Variants in NR6A1 observed in about 807,000 individuals in gnomAD.
NR6A1 encodes the protein nuclear receptor subfamily 6 group A member 1.
A neutral mutation model predicts 59.1 loss-of-function variants in NR6A1; 7 were observed. The observed-to-expected ratio is 0.12, with a 90% CI of 0.07 to 0.22. The LOEUF (loss-of-function observed/expected upper bound fraction) is 0.22. Ranked by LOEUF, NR6A1 falls within the 10% of genes least tolerant of loss-of-function variation. The pLI is 1.00. For missense variants in NR6A1, 468 were observed against 611.6 expected (o/e 0.77, Z 2.48); for synonymous variants, 243 against 236.1 (o/e 1.03, Z -0.27).
rs563494569 is a variant in NR6A1, at chr9:124,562,116, G to A, written c.143-7546C>T. On this transcript the variant is annotated intron_variant, in intron 2 of 9. Coordinates refer to ENST00000487099, the MANE Select transcript of NR6A1 (RefSeq NM_033334.4). ...AAAGTCATGTCTTAAATTTGGTGCTGGAAAACTCCTCTCCAACTTGGGTTT... is the reference window on the plus strand; with the variant it reads ...AAAGTCATGTCTTAAATTTGGTGCTAGAAAACTCCTCTCCAACTTGGGTTT... Among the ~76,000 whole-genome samples the A allele has an allele frequency of 3.9e-5, 6 of 152,200 alleles. No individual in the cohort carries two copies. In the South Asian group the frequency reaches 1.2e-3, roughly 32 times the overall value.
chr9:124,595,258 C>T (rs1186046420), intron 2 of NR6A1, among the ~76,000 whole-genome samples: 1 of 152,168 alleles, frequency 6.6e-6, no homozygotes, highest in Non-Finnish European at 1.5e-5. Flanking sequence ...AGTCTTATAT[C>T]CCAAACTGTA....
At chr9:124,690,701 T>C (rs950212143) in intron 2 of NR6A1, among the ~76,000 whole-genome samples, 8 of 152,114 alleles carry the variant, frequency 5.3e-5, no homozygotes, top group Non-Finnish European at 1.0e-4. Flanking sequence ...TGGTCACTCT[T>C]AGCTAATTTA....
Position 124,620,648 on chromosome 9 carries a change from G to A in NR6A1, c.143-66078C>T, listed in dbSNP as rs566823843. ...AATCTATAGAGACAGTAGGATTAAG[G>A]ATTGCTGGGTTTAACAGTAAAAGGG... On this transcript the variant is annotated intron_variant, in intron 2 of 9. Coordinates refer to ENST00000487099, the MANE Select transcript of NR6A1 (RefSeq NM_033334.4). Among the ~76,000 whole-genome samples the A allele has an allele frequency of 2.6e-5, 4 of 152,268 alleles. No individual in the cohort carries two copies. In the East Asian group the frequency reaches 7.7e-4, roughly 29 times the overall value.
chr9:124,651,323 T>G (rs1308516637), intron 2 of NR6A1, among the ~76,000 whole-genome samples: 1 of 152,228 alleles, frequency 6.6e-6, no homozygotes, highest in Non-Finnish European at 1.5e-5. Flanking sequence ...CCTCCCAAAG[T>G]GCTGGAATTA....
rs1832714475 is a variant in NR6A1, at chr9:124,517,566, AGGACTGTGGGT to A, written c.*5128_*5138del. On this transcript the variant is annotated 3_prime_UTR_variant, in exon 10 of 10. Transcript: ENST00000487099. ...TCCCGTTTCCTCGATTCCTACACAC[AGGACTGTGGGT>A]GGAGGTGGACCTAGGGCAGGTAACC... 1 of 152,234 alleles carries A rather than the reference AGGACTGTGGGT, an allele frequency of 6.6e-6. No individual in the cohort carries two copies. Among genetic ancestry groups the A allele is most frequent in the Admixed American group, 6.5e-5 (1 of 15,282 alleles). 9.4% of individuals were successfully genotyped at this position (152,234 alleles called of 1,614,324 possible).
At chr9:124,737,907 G>T (rs963630223) in intron 1 of NR6A1, among the ~76,000 whole-genome samples, 6 of 151,758 alleles carry the variant, frequency 4.0e-5, no homozygotes, top group Non-Finnish European at 8.8e-5. Flanking sequence ...ATCACCTGAG[G>T]TCAGGGGTCC....
intron 2 of NR6A1, among the ~76,000 whole-genome samples, chr9:124,622,821 C>A (rs1334310970): frequency 6.6e-6 from 1 of 152,046 alleles, no homozygotes; most frequent in Non-Finnish European, 1.5e-5. Context: ...GAATGAACTT[C>A]TCACAGAGGT....
chr9:124,697,790 G>A (rs1425306771), intron 2 of NR6A1, among the ~76,000 whole-genome samples: 1 of 152,098 alleles, frequency 6.6e-6, no homozygotes, highest in Non-Finnish European at 1.5e-5. Context: ...GCTAAATGAG[G>A]GTAAAAATCT....
chr9:124,581,207 T>C lies in NR6A1; in HGVS notation c.143-26637A>G, dbSNP rs547413931. On this transcript the variant is annotated intron_variant, in intron 2 of 9. Transcript: ENST00000487099. ...ATCAGTACATGGGAAGAGGCAAAGA[T>C]TTCATGATGAAGATGCCAAAAACAA... is the stretch of plus-strand genomic sequence containing the variant. Among the ~76,000 whole-genome samples the C allele has an allele frequency of 3.0e-4, 45 of 152,272 alleles. No homozygotes were observed. In the South Asian group the frequency reaches 4.6e-3, roughly 15 times the overall value.
At chr9:124,650,124 A>C (rs1380455439) in intron 2 of NR6A1, among the ~76,000 whole-genome samples, 1 of 152,220 alleles carries the variant, frequency 6.6e-6, no homozygotes, top group Non-Finnish European at 1.5e-5. Flanking sequence ...TATATCAAAG[A>C]GATATCTGCA....
chr9:124,604,986 G>A (rs986035400), intron 2 of NR6A1, among the ~76,000 whole-genome samples: 5 of 150,824 alleles, frequency 3.3e-5, no homozygotes, highest in African/African-American at 7.4e-5. Flanking sequence ...GAATAACACC[G>A]TGAAATAATA....
chr9:124,525,407 T>C (rs949680986), intron 8 of NR6A1, among the ~76,000 whole-genome samples: 1 of 151,688 alleles, frequency 6.6e-6, no homozygotes, highest in African/African-American at 2.4e-5. Context: ...CTCTGTCACC[T>C]AGGCTGGAGT....
At chr9:124,752,815 T>TAA (rs1254492164) in intron 1 of NR6A1, among the ~76,000 whole-genome samples, 1 of 140,856 alleles carries the variant, frequency 7.1e-6, no homozygotes, top group African/African-American at 2.6e-5. Context: ...GCAGTTAAAT[T>TAA]AAAAAAAAAA....
At chr9:124,736,182 T>G (rs921440886) in intron 1 of NR6A1, among the ~76,000 whole-genome samples, 6 of 152,308 alleles carry the variant, frequency 3.9e-5, no homozygotes, top group Non-Finnish European at 8.8e-5. Context: ...TCAAGCCACC[T>G]TTAGTTATAT....
At chr9:124,763,177 A>G (rs1840827956) in intron 1 of NR6A1, among the ~76,000 whole-genome samples, 1 of 152,244 alleles carries the variant, frequency 6.6e-6, no homozygotes, top group South Asian at 2.1e-4. Flanking sequence ...ACAGAATATC[A>G]AAAGTACATG....
At chr9:124,556,749 C>T (rs1290557663) in intron 2 of NR6A1, among the ~76,000 whole-genome samples, 3 of 152,132 alleles carry the variant, frequency 2.0e-5, no homozygotes, top group African/African-American at 7.2e-5. Context: ...GTGTGAGCCA[C>T]CACGCCCGAC....
intron 2 of NR6A1, among the ~76,000 whole-genome samples, chr9:124,575,793 T>C (rs1413188597): frequency 6.6e-6 from 1 of 152,156 alleles, no homozygotes; most frequent in Non-Finnish European, 1.5e-5. Flanking sequence ...AAAGTACATG[T>C]ACTTGGAATA....
At chr9:124,642,585 T>C (rs1200741554) in intron 2 of NR6A1, among the ~76,000 whole-genome samples, 1 of 152,220 alleles carries the variant, frequency 6.6e-6, no homozygotes, top group Non-Finnish European at 1.5e-5. Context: ...TTCTATCCCC[T>C]GTCGTGACAA....
chr9:124,558,500 A>G lies in NR6A1; in HGVS notation c.143-3930T>C, dbSNP rs1451305964. On this transcript the variant is annotated intron_variant, in intron 2 of 9. Coordinates refer to ENST00000487099, the MANE Select transcript of NR6A1 (RefSeq NM_033334.4). ...AGTAGCCCTTCAAAGAAGCATTTGGAAAACTTCTCTCCCAGTATGTGAAAA... is the reference window on the plus strand; with the variant it reads ...AGTAGCCCTTCAAAGAAGCATTTGGGAAACTTCTCTCCCAGTATGTGAAAA... Among the ~76,000 whole-genome samples, 3 of 152,118 alleles carry G rather than the reference A, an allele frequency of 2.0e-5. No individual in the cohort carries two copies. The East Asian group carries it at 5.8e-4, about 29-fold the overall frequency.
Sources: allele counts gnomAD v4.1 joint callset (sites outside exome capture counted in the v4.1 genomes callset), GRCh38; gene constraint gnomAD v4.1.1; transcripts MANE v1.5; gene names NCBI Gene and HGNC (gene_info 2026-07-23, HGNC 2026-07-21).